The following CCNY variants were observed in gnomAD, a reference collection of about 807,000 sequenced individuals.
CCNY encodes cyclin-Y.
Under a neutral mutation model 42.8 loss-of-function variants are expected in CCNY, and 19 were observed. That is an observed-to-expected ratio of 0.44 (90% CI 0.31 to 0.65). CCNY has a LOEUF of 0.65. CCNY is among the 30% of genes least tolerant of loss of function. The probability of loss-of-function intolerance (pLI) is 0.07; values close to 1 mark genes in which losing one functional copy is unlikely to be tolerated. For synonymous variants in CCNY, 165 were observed against 162.7 expected (o/e 1.01, Z -0.11); for missense variants, 370 against 437.3 (o/e 0.85, Z 1.37).
intron 1 of CCNY, among the ~76,000 whole-genome samples, chr10:35,350,948 G>T (rs1371789492): frequency 1.3e-5 from 2 of 152,170 alleles, no homozygotes; most frequent in Non-Finnish European, 2.9e-5. Flanking sequence ...CAGTTCCTTA[G>T]AAAGTATGTT....
chr10:35,356,481 T>G (rs1325021622), intron 1 of CCNY, among the ~76,000 whole-genome samples: 2 of 152,162 alleles, frequency 1.3e-5, no homozygotes, highest in Admixed American at 6.5e-5. Flanking sequence ...GTAGCTGGTG[T>G]TGTAGCGCAT....
chr10:35,549,108 C>CT (rs1170457346), intron 7 of CCNY, among the ~76,000 whole-genome samples: 3 of 145,972 alleles, frequency 2.1e-5, no homozygotes, highest in African/African-American at 7.7e-5. Flanking sequence ...ACCCCACCCC[C>CT]CCCCGCCCCT....
At chr10:35,519,069 T>C (rs1226393840) in intron 4 of CCNY, among the ~76,000 whole-genome samples, 1 of 151,410 alleles carries the variant, frequency 6.6e-6, no homozygotes, top group Admixed American at 6.6e-5. Context: ...AGTATCTGGA[T>C]TTTTAACAGA....
chr10:35,477,867 A>G (rs1273041388), intron 1 of CCNY, among the ~76,000 whole-genome samples: 3 of 150,368 alleles, frequency 2.0e-5, no homozygotes, highest in East Asian at 2.0e-4. Flanking sequence ...TGCAGATGAC[A>G]TGATTGTATA....
intron 1 of CCNY, among the ~76,000 whole-genome samples, chr10:35,450,082 C>G (rs989538075): frequency 6.6e-6 from 1 of 151,804 alleles, no homozygotes; most frequent in Non-Finnish European, 1.5e-5. Context: ...CACCAGGGAG[C>G]CAATATGACT....
chr10:35,464,750 T>G (rs1258896718), intron 1 of CCNY, among the ~76,000 whole-genome samples: 1 of 152,166 alleles, frequency 6.6e-6, no homozygotes, highest in Non-Finnish European at 1.5e-5. Flanking sequence ...CCACAGGGCC[T>G]CACCATCGTG....
intron 7 of CCNY, among the ~76,000 whole-genome samples, chr10:35,540,188 T>TCTGTGTG (rs1356524656): frequency 2.5e-4 from 38 of 152,348 alleles, no homozygotes; most frequent in African/African-American, 8.2e-4. Flanking sequence ...CATTAAATGT[T>TCTGTGTG]CTGTGTGCTG....
intron 3 of CCNY, among the ~76,000 whole-genome samples, chr10:35,286,939 C>T (rs375154768): frequency 1.3e-5 from 2 of 152,246 alleles, no homozygotes; most frequent in Admixed American, 6.5e-5. Context: ...GGATTACAGG[C>T]GCAAGCCATA....
intron 1 of CCNY, among the ~76,000 whole-genome samples, chr10:35,442,903 A>T (rs1838704406): frequency 6.6e-6 from 1 of 152,216 alleles, no homozygotes. Flanking sequence ...GGTCTAACCT[A>T]CTACACATGT....
intron 1 of CCNY, among the ~76,000 whole-genome samples, chr10:35,412,555 AATG>A (rs1430632486): frequency 6.6e-6 from 1 of 151,924 alleles, no homozygotes; most frequent in Non-Finnish European, 1.5e-5. Context: ...TTGAGGATTT[AATG>A]AAGAATTTGC....
rs1840747379 is a variant in CCNY, at chr10:35,530,739, G to A, written c.579+496G>A. ...TCTGCAGGATATTCAGAGACAGTAT[G>A]GAGGTAACGTATATTTTAAGACTCA... is the stretch of plus-strand genomic sequence containing the variant. On this transcript the variant is annotated intron_variant, in intron 7 of 9. Transcript: ENST00000374704. The surrounding 1 kb of genome is among the most constrained non-coding windows in gnomAD (Gnocchi z 4.3). Among the ~76,000 whole-genome samples, 1 of 152,188 alleles carries A rather than the reference G, an allele frequency of 6.6e-6. No homozygotes were observed. Among genetic ancestry groups the A allele is most frequent in the African/African-American group, 2.4e-5 (1 of 41,444 alleles).
At chr10:35,339,797 TCTATGGTG>T (rs1836133850) in intron 1 of CCNY, among the ~76,000 whole-genome samples, 1 of 152,206 alleles carries the variant, frequency 6.6e-6, no homozygotes, top group Non-Finnish European at 1.5e-5. Context: ...AACTTAGGTG[TCTATGGTG>T]CTTAATGGCA....
intron 3 of CCNY, among the ~76,000 whole-genome samples, chr10:35,290,939 A>C (rs1835406072): frequency 6.6e-6 from 1 of 152,202 alleles, no homozygotes; most frequent in African/African-American, 2.4e-5. Flanking sequence ...TGGGCACACA[A>C]TAATCTACTT....
intron 9 of CCNY, 121 bp downstream of exon 9, chr10:35,566,306 C>A: frequency 9.8e-7 from 1 of 1,020,334 alleles, no homozygotes; most frequent in Non-Finnish European, 1.4e-6. Flanking sequence ...TAAAGATGAG[C>A]TACTAGGATA....
chr10:35,543,260 A>T (rs906272944), intron 7 of CCNY, among the ~76,000 whole-genome samples: 3 of 152,208 alleles, frequency 2.0e-5, no homozygotes, highest in Admixed American at 1.3e-4. Flanking sequence ...CAGCTGTGAC[A>T]TATTACAATG....
intron 3 of CCNY, among the ~76,000 whole-genome samples, chr10:35,505,878 G>T (rs1840204752): frequency 6.6e-6 from 1 of 152,184 alleles, no homozygotes; most frequent in South Asian, 2.1e-4. Context: ...TCCCTTTGGA[G>T]AATACTGACT....
At chr10:35,534,781 T>C (rs1447372425) in intron 7 of CCNY, among the ~76,000 whole-genome samples, 1 of 152,032 alleles carries the variant, frequency 6.6e-6, no homozygotes, top group Non-Finnish European at 1.5e-5. Context: ...AAACCACTAA[T>C]CAAATTTCTA....
At position 35,569,656 on chromosome 10, in the gene CCNY, T is replaced by A. The variant is rs1161164712; in HGVS notation, c.*486T>A. On this transcript the variant is annotated 3_prime_UTR_variant, in exon 10 of 10. Transcript: ENST00000374704. ...TCATTTGTTTTTGCCCTGTTTTGAT[T>A]TTGGTCCCACAGAGCAGGGGATGTA... is the stretch of plus-strand genomic sequence containing the variant. The A allele has an allele frequency of 1.1e-5, 2 of 175,838 alleles. No individual in the cohort carries two copies. The highest frequency in any genetic ancestry group is 4.7e-5 in the African/African-American group (2 of 42,198). 10.9% of individuals were successfully genotyped at this position (175,838 alleles called of 1,614,324 possible). A position where few individuals can be genotyped will look rare whatever the true frequency, so the allele number is the denominator to read the frequency against.
At chr10:35,264,715 C>T (rs936930251) in intron 3 of CCNY, among the ~76,000 whole-genome samples, 1 of 151,980 alleles carries the variant, frequency 6.6e-6, no homozygotes, top group Non-Finnish European at 1.5e-5. Flanking sequence ...AGTGCAGTGG[C>T]GTGATCTCGG....
Sources: gnomAD v4.1 joint callset for allele counts (sites outside exome capture counted in the v4.1 genomes callset) on GRCh38, gnomAD v4.1.1 for gene constraint, Gnocchi (gnomAD v3.1) non-coding constraint, MANE v1.5 for transcripts, NCBI Gene and HGNC (gene_info 2026-07-23, HGNC 2026-07-21) for gene names.